DHX32: variants seen among roughly 807,000 people sequenced by gnomAD.
The protein encoded by DHX32 is putative pre-mRNA-splicing factor ATP-dependent RNA helicase DHX32.
Under a neutral mutation model 70.0 loss-of-function variants are expected in DHX32, and 51 were observed. The observed-to-expected ratio is 0.73, with a 90% CI of 0.58 to 0.92. The LOEUF (loss-of-function observed/expected upper bound fraction) is 0.92, where lower values mean the gene tolerates loss of function less well. Among genes scored for constraint, DHX32 ranks in the 40% least tolerant of loss-of-function variants. The pLI, the probability that DHX32 is intolerant of heterozygous loss-of-function variation, is 0.00. For synonymous variants in DHX32, 310 were observed against 315.3 expected (o/e 0.98, Z 0.18); for missense variants, 762 against 891.8 (o/e 0.85, Z 1.85).
chr10:125,854,372 A>G, intron 3 of DHX32, 169 bp from the exon 4 acceptor site: 2 of 505,180 alleles, frequency 4.0e-6, no homozygotes, highest in Non-Finnish European at 6.4e-6. Flanking sequence ...ATGCACCTAA[A>G]TGAGAAAACG....
rs1944222625 is a variant in DHX32 at position 125,866,788 on chromosome 10, C to T, written c.476+202G>A. 6.6e-6 allele frequency among the ~76,000 whole-genome samples: 1 copy of T among 152,242 alleles called. No individual in the cohort carries two copies. Among genetic ancestry groups the T allele is most frequent in the Non-Finnish European group, 1.5e-5 (1 of 68,046 alleles). On this transcript the variant is annotated intron_variant, in intron 2 of 10. Transcript: ENST00000284690. This position sits in a 1 kb window ranked among gnomAD's most constrained non-coding sequence, Gnocchi z 4.8. ...ACTTTTTCCAGGGGATAATGGGAGT[C>T]ATGGGATACATTTAGACAAGGAATC...
At chr10:125,883,327 C>T (rs1944328612), upstream of DHX32, among the ~76,000 whole-genome samples, 1 of 152,130 alleles carries the variant, frequency 6.6e-6, no homozygotes, top group African/African-American at 2.4e-5. Context: ...ATTTCCTCTC[C>T]CCTTGAATCT....
chr10:125,853,086 A>G (rs1180226946), intron 4 of DHX32: 1 of 1,443,964 alleles, frequency 6.9e-7, no homozygotes, highest in East Asian at 2.3e-5. Context: ...CAGCTAATAC[A>G]GAAACTGCGT....
chr10:125,877,733 A>G (rs1410386581), intron 1 of DHX32, among the ~76,000 whole-genome samples: 1 of 152,162 alleles, frequency 6.6e-6, no homozygotes, highest in Non-Finnish European at 1.5e-5. Flanking sequence ...AGAGATAATA[A>G]ACAACTTGAA....
chr10:125,881,075 A>C lies in DHX32; in HGVS notation c.-251T>G, dbSNP rs574338812. On this transcript the variant is annotated 5_prime_UTR_variant, in exon 1 of 11. Transcript: ENST00000284690. ...AAATGATTGTCAATAAACCACACTA[A>C]GAAACAAACAAACAAAAAGAGTAAG... The C allele has an allele frequency of 5.5e-5, 21 of 382,064 alleles. No homozygotes were observed. Among genetic ancestry groups the C allele is most frequent in the Non-Finnish European group, 9.7e-5 (21 of 216,036 alleles). The allele number at this position is 382,064 out of a possible 1,614,324, so 23.7% of individuals were successfully genotyped here. A position where few individuals can be genotyped will look rare whatever the true frequency, so the allele number is the denominator to read the frequency against.
intron 2 of DHX32, among the ~76,000 whole-genome samples, chr10:125,861,527 T>A (rs1218778413): frequency 6.6e-6 from 1 of 152,152 alleles, no homozygotes; most frequent in Non-Finnish European, 1.5e-5. Flanking sequence ...CTGAACCATT[T>A]GTACAGGCAA....
intron 9 of DHX32, 118 bp downstream of exon 9, chr10:125,838,883 C>T: frequency 1.7e-6 from 2 of 1,181,428 alleles, no homozygotes; most frequent in East Asian, 4.8e-5. Flanking sequence ...TTAATAATAA[C>T]ATGGATTTTT....
chr10:125,839,027 C>G lies in DHX32; in HGVS notation c.1855G>C (p.Ala619Pro), dbSNP rs772175482. ...TGCATAAAGTAACCGGACAGAAGAG[C>G]TTTCTTTATGTTTAGAGTGTTTTCC... ...SKENTLNIKK[A>P]LLSGYFMQIA... is the part of the protein sequence containing the mutation. Residue 619 changes from alanine (A) to proline (P), a missense_variant, in exon 9 of 11, where the codon GCT becomes CCT. Ala to Pro is a conservative substitution (Grantham distance 27). This residue lies in a region of DHX32 where 366 missense variants were observed against 402.6 expected (regional missense o/e 0.91). Coordinates refer to ENST00000284690, the MANE Select transcript of DHX32 (RefSeq NM_018180.3). The G allele has an allele frequency of 1.9e-6, 3 of 1,614,046 alleles. No homozygotes were observed. In the South Asian group the frequency reaches 3.3e-5, roughly 18 times the overall value.
chr10:125,854,343 T>C, intron 3 of DHX32, 140 bp from the exon 4 acceptor site: 4 of 696,078 alleles, frequency 5.7e-6, no homozygotes, highest in Non-Finnish European at 8.5e-6. Context: ...TGCCTACATG[T>C]ATCTTTAAAT....
Position 125,839,033 on chromosome 10 carries a change from T to G in DHX32, c.1849A>C (p.Lys617Gln). Residue 617 changes from lysine to glutamine, a missense_variant, in exon 9 of 11, where the codon AAG (lysine) becomes CAG (glutamine). By Grantham distance (53) the Lys-to-Gln change is moderately conservative (BLOSUM62 1). This residue lies in a region of DHX32 where 366 missense variants were observed against 402.6 expected (regional missense o/e 0.91). Transcript: ENST00000284690. ...AAGTAACCGGACAGAAGAGCTTTCT[T>G]TATGTTTAGAGTGTTTTCCTTGGAG... The part of the protein sequence containing the change: ...FGSKENTLNI[K>Q]KALLSGYFMQ... The G allele has an allele frequency of 6.2e-7, 1 of 1,614,100 alleles. No homozygotes were observed. Among genetic ancestry groups the G allele is most frequent in the Non-Finnish European group, 8.5e-7 (1 of 1,179,990 alleles).
chr10:125,890,123 C>T lies in DHX32; in HGVS notation c.-248+6095G>A, dbSNP rs1457706775. On this transcript the variant is annotated intron_variant, in intron 1 of 2. Coordinates refer to the DHX32 transcript ENST00000415732. ...CACTGGGGGTTGAAGAAATACTTGA[C>T]ACTAATGGCGATGTCAGGAAGAGAG... is the stretch of plus-strand genomic sequence containing the variant. Among the ~76,000 whole-genome samples the T allele has an allele frequency of 3.9e-5, 6 of 152,412 alleles. No homozygotes were observed. In the East Asian group the frequency reaches 1.2e-3, roughly 29 times the overall value.
chr10:125,862,880 CT>C (rs901882719), intron 2 of DHX32, among the ~76,000 whole-genome samples: 2 of 151,816 alleles, frequency 1.3e-5, no homozygotes, highest in East Asian at 1.9e-4. Context: ...AAAAAAACTA[CT>C]TTTTTTCTAT....
rs745394709 is a variant in DHX32, at chr10:125,866,414, GCA to G, written c.476+574_476+575del. On this transcript the variant is annotated intron_variant, in intron 2 of 10. Coordinates refer to ENST00000284690, the MANE Select transcript of DHX32 (RefSeq NM_018180.3). This position sits in a 1 kb window ranked among gnomAD's most constrained non-coding sequence, Gnocchi z 4.8. ...CTTGGAACATAGAAGACTCTGCAAA[GCA>G]CAGTTTGAGAAACACTGTCGAAGCT... 4.6e-5 allele frequency among the ~76,000 whole-genome samples: 7 copies of G among 152,336 alleles called. No homozygotes were observed. Among genetic ancestry groups the G allele is most frequent in the East Asian group, 1.9e-4 (1 of 5,186 alleles).
chr10:125,867,473 A>G (rs1944227582), intron 1 of DHX32, among the ~76,000 whole-genome samples: 1 of 152,230 alleles, frequency 6.6e-6, no homozygotes, highest in Non-Finnish European at 1.5e-5. Context: ...GTGGTGGCTC[A>G]CGCCTGTAAT....
At chr10:125,853,861 T>C (rs933658096) in intron 4 of DHX32, 100 bp downstream of exon 4, 2 of 1,426,946 alleles carry the variant, frequency 1.4e-6, no homozygotes, top group South Asian at 2.8e-5. Context: ...CCAGGTCACA[T>C]AGTTCATCCT....
intron 6 of DHX32, among the ~76,000 whole-genome samples, chr10:125,850,624 G>A (rs1423435206): frequency 2.0e-5 from 3 of 152,030 alleles, no homozygotes; most frequent in African/African-American, 4.8e-5. Flanking sequence ...CAAAATGCTG[G>A]GATTAGAGGC....
chr10:125,850,883 C>A (rs1944081877), intron 6 of DHX32, among the ~76,000 whole-genome samples: 1 of 152,234 alleles, frequency 6.6e-6, no homozygotes, highest in East Asian at 1.9e-4. Flanking sequence ...AAATTTCTAT[C>A]TAGGTACCAC....
At chr10:125,844,676 T>TG (rs1943989934) in intron 6 of DHX32, among the ~76,000 whole-genome samples, 1 of 152,232 alleles carries the variant, frequency 6.6e-6, no homozygotes, top group African/African-American at 2.4e-5. Context: ...AGAGTTTATA[T>TG]GGGGGTTCTT....
chr10:125,883,536 G>C (rs1262849448), upstream of DHX32, among the ~76,000 whole-genome samples: 1 of 152,078 alleles, frequency 6.6e-6, no homozygotes, highest in African/African-American at 2.4e-5. Flanking sequence ...TCAACCATGT[G>C]AACAAGCTGC....
Sources: allele counts gnomAD v4.1 joint callset (sites outside exome capture counted in the v4.1 genomes callset), GRCh38; gene constraint gnomAD v4.1.1; regional missense constraint gnomAD v4.1.1; non-coding constraint Gnocchi (gnomAD v3.1); transcripts MANE v1.5; gene names NCBI Gene and HGNC (gene_info 2026-07-23, HGNC 2026-07-21).